RIPOR3: variants seen among roughly 807,000 people sequenced by gnomAD.
RIPOR3 encodes family with sequence similarity 65 member C.
RIPOR3 carries 95 observed loss-of-function variants against 114.3 expected under a neutral mutation model. The observed-to-expected ratio is 0.83, with a 90% CI of 0.70 to 0.99. The LOEUF is 0.99. RIPOR3 is among the 50% of genes least tolerant of loss of function. The pLI is 0.00. For missense variants in RIPOR3, 1,252 were observed against 1,266.9 expected (o/e 0.99, Z 0.18); for synonymous variants, 575 against 543.8 (o/e 1.06, Z -0.80).
intron 1 of RIPOR3, chr20:50,645,551 G>A (rs977574386): frequency 3.3e-5 from 5 of 152,286 alleles, no homozygotes; most frequent in African/African-American, 1.2e-4. Flanking sequence ...AGAAGGGTGA[G>A]GCGCTAGGGC....
chr20:50,683,709 G>A (rs552867195), intron 1 of RIPOR3, among the ~76,000 whole-genome samples: 3 of 151,584 alleles, frequency 2.0e-5, no homozygotes, highest in East Asian at 2.0e-4. Flanking sequence ...CACCTGCCTC[G>A]GCCTCCCAAA....
chr20:50,633,148 GCTA>G (rs1292488888), intron 1 of RIPOR3, among the ~76,000 whole-genome samples: 1 of 152,192 alleles, frequency 6.6e-6, no homozygotes, highest in Non-Finnish European at 1.5e-5. Flanking sequence ...TGTAATCCCA[GCTA>G]CTCGGGAGGC....
intron 2 of RIPOR3, among the ~76,000 whole-genome samples, chr20:50,626,070 G>T (rs959877148): frequency 2.0e-5 from 3 of 152,230 alleles, no homozygotes; most frequent in Non-Finnish European, 4.4e-5. Flanking sequence ...TGTTTGCCTT[G>T]ACAGTGCGGC....
intron 3 of RIPOR3, among the ~76,000 whole-genome samples, chr20:50,617,578 C>T (rs1038544686): frequency 2.6e-5 from 4 of 151,518 alleles, no homozygotes; most frequent in Non-Finnish European, 5.9e-5. Flanking sequence ...ACCGCTGTGC[C>T]CAGCCAAGGA....
At chr20:50,627,848 C>G (rs951559171) in intron 2 of RIPOR3, among the ~76,000 whole-genome samples, 1 of 152,190 alleles carries the variant, frequency 6.6e-6, no homozygotes, top group African/African-American at 2.4e-5. Context: ...AAGTACAGAG[C>G]ACAGGCTACA....
chr20:50,640,502 T>G (rs179635), intron 1 of RIPOR3, among the ~76,000 whole-genome samples: 5 of 141,360 alleles, frequency 3.5e-5, no homozygotes, highest in African/African-American at 1.1e-4. Flanking sequence ...TGGTCAGGCT[T>G]AGCTCCATGC....
At chr20:50,605,137 T>G (rs1007354402) in intron 11 of RIPOR3, among the ~76,000 whole-genome samples, 1 of 152,150 alleles carries the variant, frequency 6.6e-6, no homozygotes, top group South Asian at 2.1e-4. Flanking sequence ...CTTGCCATGT[T>G]GCCCAGGCTG....
At chr20:50,619,562 C>T (rs1237760530) in intron 3 of RIPOR3, among the ~76,000 whole-genome samples, 2 of 152,270 alleles carry the variant, frequency 1.3e-5, no homozygotes, top group East Asian at 3.8e-4. Flanking sequence ...GCCCTGACCT[C>T]TTGCGTGTGT....
At chr20:50,593,885 T>TACCC (rs1025196468) in intron 17 of RIPOR3, among the ~76,000 whole-genome samples, 7 of 152,022 alleles carry the variant, frequency 4.6e-5, no homozygotes, top group Non-Finnish European at 8.8e-5. Flanking sequence ...CATTTCTAGA[T>TACCC]ACCCTCGTGG....
chr20:50,605,860 C>G (rs2083692374), intron 11 of RIPOR3, among the ~76,000 whole-genome samples: 2 of 152,038 alleles, frequency 1.3e-5, no homozygotes, highest in Admixed American at 1.3e-4. Flanking sequence ...TGCCCATGGT[C>G]ACAGGTGCAG....
intron 1 of RIPOR3, among the ~76,000 whole-genome samples, chr20:50,634,091 C>A (rs1385547087): frequency 6.6e-6 from 1 of 151,660 alleles, no homozygotes; most frequent in African/African-American, 2.4e-5. Context: ...AAGCCATCCT[C>A]CCACATCAGC....
chr20:50,615,693 T>C (rs370421146), intron 4 of RIPOR3, among the ~76,000 whole-genome samples: 3 of 152,210 alleles, frequency 2.0e-5, no homozygotes, highest in African/African-American at 7.2e-5. Context: ...ACAGAAGCCA[T>C]CCCAAGTCCA....
chr20:50,656,971 T>G (rs146355554), intron 1 of RIPOR3, among the ~76,000 whole-genome samples: 52 of 152,320 alleles, frequency 3.4e-4, no homozygotes, highest in African/African-American at 1.2e-3. Flanking sequence ...GGCTCTGTCT[T>G]TAGGATGAAT....
At position 50,602,537 on chromosome 20, in the gene RIPOR3, T is replaced by G. The variant is rs763933011; in HGVS notation, c.1194A>C (p.Arg398Ser). The change falls in exon 13 of 22, where the codon AGA becomes AGC. Residue 398 changes from arginine (R) to serine (S), a missense_variant. By Grantham distance (110) the Arg-to-Ser change is moderately radical. Coordinates refer to ENST00000327979, the MANE Select transcript of RIPOR3 (RefSeq NM_001290268.2). This position sits in a 1 kb window ranked among gnomAD's most constrained non-coding sequence, Gnocchi z 4.3. ...SDSDLRGPSL[R>S]SQSQELPEMD... Reference sequence around the variant, plus strand: ...TCTCAGGCAGCTCCTGACTCTGGCTTCTTAGGCTGGGACCCCGGAGGTCGC... The same window carrying G: ...TCTCAGGCAGCTCCTGACTCTGGCTGCTTAGGCTGGGACCCCGGAGGTCGC... 14 of 1,557,950 alleles carry G rather than the reference T, an allele frequency of 9.0e-6. No homozygotes were observed. The highest frequency in any genetic ancestry group is 1.9e-5 in the Admixed American group (1 of 51,486).
chr20:50,616,374 C>A (rs2084173859), intron 3 of RIPOR3, among the ~76,000 whole-genome samples: 1 of 152,116 alleles, frequency 6.6e-6, no homozygotes, highest in Non-Finnish European at 1.5e-5. Context: ...CAAGGTCCCC[C>A]CTCTCTCGCC....
At chr20:50,643,260 T>A (rs1482642435) in intron 1 of RIPOR3, among the ~76,000 whole-genome samples, 2 of 150,952 alleles carry the variant, frequency 1.3e-5, no homozygotes, top group Non-Finnish European at 2.9e-5. Flanking sequence ...TAGCTAGGAC[T>A]ACAAGTGTGC....
chr20:50,602,093 G>T lies in RIPOR3; in HGVS notation c.1638C>A (p.Leu546=), dbSNP rs763265423. 11 of 1,583,468 alleles carry T rather than the reference G, an allele frequency of 6.9e-6. No individual in the cohort carries two copies. Among genetic ancestry groups the T allele is most frequent in the Non-Finnish European group, 9.4e-6 (11 of 1,164,480 alleles). The change falls in exon 13 of 22, where the codon CTC becomes CTA. Residue 546 remains leucine, a synonymous_variant. Coordinates refer to ENST00000327979, the MANE Select transcript of RIPOR3 (RefSeq NM_001290268.2). This position sits in a 1 kb window ranked among gnomAD's most constrained non-coding sequence, Gnocchi z 4.3. ...PQLRELEYQV[L]GFRDRLKPCR... ...ATACCTTCAGCCGGTCCCGGAAGCC[G>T]AGGACCTGGTACTCCAGCTCCCGGA...
intron 19 of RIPOR3, among the ~76,000 whole-genome samples, chr20:50,590,256 A>G (rs1457010241): frequency 6.6e-6 from 1 of 152,204 alleles, no homozygotes; most frequent in East Asian, 1.9e-4. Context: ...TGGCCACATC[A>G]GTTCATGTCT....
chr20:50,674,607 A>G (rs1361373624), intron 1 of RIPOR3, among the ~76,000 whole-genome samples: 1 of 148,564 alleles, frequency 6.7e-6, no homozygotes, highest in African/African-American at 2.5e-5. Context: ...ATGAGGTCAT[A>G]CTAGATTAGG....
Sources: gnomAD v4.1 joint callset for allele counts (sites outside exome capture counted in the v4.1 genomes callset) on GRCh38, gnomAD v4.1.1 for gene constraint, Gnocchi (gnomAD v3.1) non-coding constraint, MANE v1.5 for transcripts, NCBI Gene and HGNC (gene_info 2026-07-23, HGNC 2026-07-21) for gene names.